FOXK2: variants seen among roughly 807,000 people sequenced by gnomAD.
The protein encoded by FOXK2 is forkhead box K2, also known as forkhead box protein K2.
In FOXK2, 24 loss-of-function variants were observed where a neutral mutation model predicts 53.3. That is an observed-to-expected ratio of 0.45 (90% CI 0.33 to 0.63). FOXK2 has a LOEUF of 0.63. Among genes scored for constraint, FOXK2 ranks in the 30% least tolerant of loss-of-function variants. The probability of loss-of-function intolerance (pLI) is 0.03; values close to 1 mark genes in which losing one functional copy is unlikely to be tolerated. For synonymous variants in FOXK2, 505 were observed against 407.1 expected (o/e 1.24, Z -2.89); for missense variants, 952 against 910.5 (o/e 1.05, Z -0.59).
At chr17:82,589,945 C>T (rs2045236483) in intron 8 of FOXK2, among the ~76,000 whole-genome samples, 1 of 151,974 alleles carries the variant, frequency 6.6e-6, no homozygotes, top group African/African-American at 2.4e-5. Context: ...ACTCTGGACG[C>T]TGAGGCAGGA....
At chr17:82,567,970 C>A in intron 2 of FOXK2, 84 bp from the exon 3 acceptor site, 1 of 957,618 alleles carries the variant, frequency 1.0e-6, no homozygotes, top group African/African-American at 1.8e-5. Flanking sequence ...ATTTGTTATC[C>A]CTGTAATTAA....
At chr17:82,595,534 T>C (rs2045301043) in intron 8 of FOXK2, among the ~76,000 whole-genome samples, 1 of 152,054 alleles carries the variant, frequency 6.6e-6, no homozygotes, top group South Asian at 2.1e-4. Context: ...AACTCCTAGG[T>C]TCAAGTGATT....
At chr17:82,600,486 C>CAT (rs1283349985) in intron 8 of FOXK2, 3 of 152,252 alleles carry the variant, frequency 2.0e-5, no homozygotes, top group African/African-American at 7.2e-5. Context: ...CCCACCCACT[C>CAT]ATGGCGATCA....
At chr17:82,581,478 G>GT (rs34849884) in intron 4 of FOXK2, among the ~76,000 whole-genome samples, 67,188 of 133,974 alleles carry the variant, frequency 0.5, 17,337 homozygotes, top group East Asian at 0.74. Flanking sequence ...TTTTGTGTGG[G>GT]TTTTTTTTTT....
intron 1 of FOXK2, among the ~76,000 whole-genome samples, chr17:82,538,322 C>G (rs960789511): frequency 1.6e-4 from 24 of 152,104 alleles, no homozygotes; most frequent in African/African-American, 5.8e-4. Context: ...ACTTCTTTCT[C>G]TACAAAAAAT....
At chr17:82,573,767 C>G (rs4789798) in intron 4 of FOXK2, among the ~76,000 whole-genome samples, 67,104 of 152,082 alleles carry the variant, frequency 0.44, 14,970 homozygotes, top group South Asian at 0.56. Flanking sequence ...GGGGCTTTGT[C>G]AGTGTGTTTC....
intron 4 of FOXK2, chr17:82,577,986 C>T (rs1218112304): frequency 6.6e-6 from 1 of 152,380 alleles, no homozygotes; most frequent in Admixed American, 6.5e-5. Flanking sequence ...GATCCACCCG[C>T]CTCGGCCTCC....
intron 1 of FOXK2, among the ~76,000 whole-genome samples, chr17:82,555,290 G>C (rs1042951697): frequency 3.3e-5 from 5 of 152,202 alleles, no homozygotes; most frequent in Non-Finnish European, 7.3e-5. Flanking sequence ...TTGCCCTGCA[G>C]CCATGTGGGG....
At chr17:82,591,941 T>C (rs553852823) in intron 8 of FOXK2, among the ~76,000 whole-genome samples, 16 of 152,222 alleles carry the variant, frequency 1.1e-4, no homozygotes, top group Non-Finnish European at 1.8e-4. Context: ...TCTTGCTCTG[T>C]CACCCAGGCT....
chr17:82,570,776 A>C (rs930484320), intron 3 of FOXK2, among the ~76,000 whole-genome samples: 3 of 152,182 alleles, frequency 2.0e-5, no homozygotes, highest in Non-Finnish European at 4.4e-5. Flanking sequence ...CACAACCAGG[A>C]GTGATTCCCT....
At chr17:82,589,735 G>A (rs1179384087) in intron 8 of FOXK2, among the ~76,000 whole-genome samples, 1 of 152,204 alleles carries the variant, frequency 6.6e-6, no homozygotes, top group Non-Finnish European at 1.5e-5. Context: ...CCTGTTTCCA[G>A]ATGAACGTGA....
chr17:82,520,390 G>C, intron 1 of FOXK2, 83 bp downstream of exon 1: 2 of 1,141,072 alleles, frequency 1.8e-6, no homozygotes, highest in Non-Finnish European at 2.2e-6. Flanking sequence ...CCCAGGCCCG[G>C]GACCACCCAC....
chr17:82,556,553 C>A (rs1305589305), intron 1 of FOXK2, among the ~76,000 whole-genome samples: 2 of 148,396 alleles, frequency 1.3e-5, no homozygotes, highest in Non-Finnish European at 3.0e-5. Flanking sequence ...GCACCTCCCT[C>A]ACCTTGCTGG....
At chr17:82,540,097 A>G (rs976879070) in intron 1 of FOXK2, among the ~76,000 whole-genome samples, 62 of 152,310 alleles carry the variant, frequency 4.1e-4, no homozygotes, top group African/African-American at 1.5e-3. Context: ...CCTGGCCAAT[A>G]TGGTGAAAAC....
chr17:82,545,118 C>A (rs1232782431), intron 1 of FOXK2, among the ~76,000 whole-genome samples: 1 of 152,118 alleles, frequency 6.6e-6, no homozygotes, highest in Non-Finnish European at 1.5e-5. Flanking sequence ...GGTCTCCATT[C>A]CTCTCCACTT....
intron 4 of FOXK2, among the ~76,000 whole-genome samples, chr17:82,580,356 C>T (rs113069168): frequency 5.4e-4 from 31 of 57,394 alleles, no homozygotes; most frequent in Admixed American, 9.7e-4. Context: ...ACACATGGCC[C>T]AGCCCACCTC....
chr17:82,553,969 G>C (rs2044700193), intron 1 of FOXK2, among the ~76,000 whole-genome samples: 1 of 152,048 alleles, frequency 6.6e-6, no homozygotes, highest in African/African-American at 2.4e-5. Context: ...GAGTATTTGG[G>C]ACTACAGGCG....
chr17:82,567,806 A>G (rs987715673), intron 2 of FOXK2, among the ~76,000 whole-genome samples: 16 of 152,128 alleles, frequency 1.1e-4, no homozygotes, highest in Non-Finnish European at 2.2e-4. Flanking sequence ...GTCACATTTC[A>G]TGAGCTGACG....
At chr17:82,593,944 C>T (rs8070589) in intron 8 of FOXK2, 25,929 of 152,298 alleles carry the variant, frequency 0.17, 2,363 homozygotes, top group Middle Eastern at 0.23. Flanking sequence ...TCAGGCCACG[C>T]GGACGAGGAG....
Sources: allele counts gnomAD v4.1 joint callset (sites outside exome capture counted in the v4.1 genomes callset), GRCh38; gene constraint gnomAD v4.1.1; transcripts MANE v1.5; gene names NCBI Gene and HGNC (gene_info 2026-07-23, HGNC 2026-07-21).